Variants in PIP5K1C observed in about 807,000 individuals in gnomAD.
PIP5K1C encodes phosphatidylinositol 4-phosphate 5-kinase type-1 gamma.
A neutral mutation model predicts 80.1 loss-of-function variants in PIP5K1C; 45 were observed. The ratio of observed to expected loss-of-function variants is 0.56; its 90% CI spans 0.44 to 0.72. PIP5K1C has a LOEUF of 0.72. PIP5K1C is among the 30% of genes least tolerant of loss of function. The pLI, the probability that PIP5K1C is intolerant of heterozygous loss-of-function variation, is 0.00. For missense variants in PIP5K1C, 753 were observed against 954.6 expected (o/e 0.79, Z 2.78); for synonymous variants, 498 against 420.1 (o/e 1.19, Z -2.27).
Position 3,684,757 on chromosome 19 carries a change from G to A in PIP5K1C, c.94+15540C>T, listed in dbSNP as rs8104212. On this transcript the variant is annotated intron_variant, in intron 1 of 17. Transcript: ENST00000335312. Reference sequence around the variant, plus strand: ...GACCACCACCTGCTGAAGGTCACCCGGCACGTAGGGCCCAGGCAGCAAAGC... The same window carrying A: ...GACCACCACCTGCTGAAGGTCACCCAGCACGTAGGGCCCAGGCAGCAAAGC... Among the ~76,000 whole-genome samples, 66 of 152,308 alleles carry A rather than the reference G, an allele frequency of 4.3e-4. 1 individual carries two copies. The highest frequency in any genetic ancestry group is 1.5e-3 in the African/African-American group (64 of 41,556).
chr19:3,668,172 C>G (rs2035076438), intron 1 of PIP5K1C, among the ~76,000 whole-genome samples: 1 of 152,050 alleles, frequency 6.6e-6, no homozygotes, highest in African/African-American at 2.4e-5. Flanking sequence ...CCGGGAGCAC[C>G]TTCCTCCATG....
At chr19:3,667,186 G>T in intron 2 of PIP5K1C, 136 bp downstream of exon 2, 1 of 746,690 alleles carries the variant, frequency 1.3e-6, no homozygotes, top group Non-Finnish European at 2.4e-6. Context: ...CGTTCATCCT[G>T]CTTGTGGACA....
At chr19:3,650,588 A>G (rs2034401447) in intron 8 of PIP5K1C, among the ~76,000 whole-genome samples, 1 of 152,168 alleles carries the variant, frequency 6.6e-6, no homozygotes, top group African/African-American at 2.4e-5. Context: ...CCCAGCCCTC[A>G]CATCCAGTGT....
At chr19:3,641,321 C>T (rs1002794114) in intron 15 of PIP5K1C, among the ~76,000 whole-genome samples, 3 of 152,182 alleles carry the variant, frequency 2.0e-5, no homozygotes, top group South Asian at 2.1e-4. Context: ...GATGCTCTTA[C>T]ACAACCCTTA....
intron 1 of PIP5K1C, among the ~76,000 whole-genome samples, chr19:3,686,731 T>C (rs2035772550): frequency 6.7e-6 from 1 of 149,222 alleles, no homozygotes; most frequent in African/African-American, 2.5e-5. Context: ...AATAAATAAA[T>C]AAATAAAATA....
At chr19:3,643,013 C>T (rs960442156) in intron 13 of PIP5K1C, 74 bp from the exon 14 acceptor site, 7 of 1,565,674 alleles carry the variant, frequency 4.5e-6, no homozygotes, top group African/African-American at 4.1e-5. Context: ...GCCTTGCCTA[C>T]CCGCCTGCCT....
chr19:3,657,652 G>T (rs1157646316), intron 5 of PIP5K1C, among the ~76,000 whole-genome samples: 1 of 152,226 alleles, frequency 6.6e-6, no homozygotes, highest in East Asian at 1.9e-4. Context: ...GGCCAGGCAC[G>T]GCGGCTCACC....
chr19:3,644,304 A>G, intron 11 of PIP5K1C, 53 bp from the exon 12 acceptor site: 4 of 1,575,374 alleles, frequency 2.5e-6, no homozygotes, highest in Non-Finnish European at 1.7e-6. Flanking sequence ...CTCATAGCAA[A>G]GCCCAGACAG....
intron 1 of PIP5K1C, among the ~76,000 whole-genome samples, chr19:3,671,464 G>A (rs933399159): frequency 6.6e-6 from 1 of 152,254 alleles, no homozygotes; most frequent in Non-Finnish European, 1.5e-5. Flanking sequence ...ACTCACCTGA[G>A]CTGGCTAACG....
chr19:3,662,869 T>C (rs928326289), intron 3 of PIP5K1C, among the ~76,000 whole-genome samples: 1 of 145,234 alleles, frequency 6.9e-6, no homozygotes, highest in Non-Finnish European at 1.5e-5. Flanking sequence ...CCGGCCCCGT[T>C]ATTATTTTTT....
intron 1 of PIP5K1C, among the ~76,000 whole-genome samples, chr19:3,684,247 G>A (rs936848668): frequency 3.3e-5 from 5 of 152,258 alleles, no homozygotes; most frequent in South Asian, 4.1e-4. Context: ...TATAATTAGA[G>A]GCATCAAGAT....
At chr19:3,660,464 C>T (rs2034797447) in intron 5 of PIP5K1C, among the ~76,000 whole-genome samples, 2 of 151,992 alleles carry the variant, frequency 1.3e-5, no homozygotes, top group South Asian at 4.2e-4. Context: ...CTTTTAGGAG[C>T]CCGGATAATG....
rs1342874165 is a variant in PIP5K1C at position 3,637,257 on chromosome 19, G to A, written c.1920+1627C>T. On this transcript the variant is annotated intron_variant, in intron 16 of 17. Transcript: ENST00000335312. The surrounding 1 kb of genome is among the most constrained non-coding windows in gnomAD (Gnocchi z 7.0). ...GCTCGCTGGGGTCTGGCCGGGGTCC[G>A]AAGCAGACCCTGGGCCTCAGCTGTG... The A allele has an allele frequency of 3.4e-5, 49 of 1,460,054 alleles. 1 individual carries two copies. The East Asian group carries it at 9.2e-4, about 27-fold the overall frequency. The allele number at this position is 1,460,054 out of a possible 1,614,324, so 90.4% of individuals were successfully genotyped here.
At chr19:3,656,370 G>C (rs371346962) in intron 6 of PIP5K1C, 35 bp downstream of exon 6, 31 of 1,611,294 alleles carry the variant, frequency 1.9e-5, no homozygotes, top group Non-Finnish European at 2.4e-5. Flanking sequence ...GGGGTTGACC[G>C]AGGAGCCATC....
chr19:3,638,818 G>T lies in PIP5K1C; in HGVS notation c.1920+66C>A, dbSNP rs1263654751. ...AGGTGTGTGTATGCGGTGTGCACAC[G>T]GTGGAGCGTGTGTGAGAGAGAGTCC... On this transcript the variant is annotated intron_variant, in intron 16 of 17. Transcript: ENST00000335312. 17 of 1,602,180 alleles carry T rather than the reference G, an allele frequency of 1.1e-5. No homozygotes were observed. In the South Asian group the frequency reaches 1.7e-4, roughly 16 times the overall value.
At chr19:3,675,797 G>A (rs1289623174) in intron 1 of PIP5K1C, among the ~76,000 whole-genome samples, 2 of 152,188 alleles carry the variant, frequency 1.3e-5, no homozygotes, top group Non-Finnish European at 2.9e-5. Context: ...GGGCACTGCA[G>A]GGTGCCGAGC....
At chr19:3,634,156 A>T (rs1205550465) in intron 16 of PIP5K1C, among the ~76,000 whole-genome samples, 2 of 151,356 alleles carry the variant, frequency 1.3e-5, no homozygotes, top group African/African-American at 4.8e-5. Context: ...GGCTAGGCAC[A>T]GGCAGGGCCG....
At position 3,670,075 on chromosome 19, in the gene PIP5K1C, C is replaced by T. The variant is rs8111876; in HGVS notation, c.95-2722G>A. Among the ~76,000 whole-genome samples the T allele has an allele frequency of 7.9e-4, 51 of 64,808 alleles. 1 individual carries two copies. Among genetic ancestry groups the T allele is most frequent in the African/African-American group, 3.0e-3 (49 of 16,376 alleles). 42.5% of individuals were successfully genotyped at this position (64,808 alleles called of 152,430 possible). On this transcript the variant is annotated intron_variant, in intron 1 of 17. Coordinates refer to ENST00000335312, the MANE Select transcript of PIP5K1C (RefSeq NM_012398.3). ...CAGGCGGCAGGTGGGGAGGGGACTG[C>T]GGTCAGGAACCTGGGGCAGGCGGCA...
chr19:3,677,465 C>T (rs1447662473), intron 1 of PIP5K1C, among the ~76,000 whole-genome samples: 1 of 151,224 alleles, frequency 6.6e-6, no homozygotes, highest in Admixed American at 6.6e-5. Context: ...TGCCTGTAAT[C>T]CCAGCTACTT....
Sources: gnomAD v4.1 joint callset for allele counts (sites outside exome capture counted in the v4.1 genomes callset) on GRCh38, gnomAD v4.1.1 for gene constraint, Gnocchi (gnomAD v3.1) non-coding constraint, MANE v1.5 for transcripts, NCBI Gene and HGNC (gene_info 2026-07-23, HGNC 2026-07-21) for gene names.